Variants in ADGRF5 observed in about 807,000 individuals in gnomAD.
ADGRF5 encodes the protein adhesion G protein-coupled receptor F5, also known as G-protein coupled receptor 116.
Under a neutral mutation model 132.3 loss-of-function variants are expected in ADGRF5, and 75 were observed. That is an observed-to-expected ratio of 0.57 (90% CI 0.47 to 0.69). ADGRF5 has a LOEUF of 0.69. ADGRF5 is among the 30% of genes least tolerant of loss of function. The pLI is 0.00. For missense variants in ADGRF5, 1,516 were observed against 1,630.6 expected (o/e 0.93, Z 1.21); for synonymous variants, 629 against 597.6 (o/e 1.05, Z -0.77).
chr6:46,925,144 C>G (rs1287681698), upstream of ADGRF5, among the ~76,000 whole-genome samples: 1 of 152,202 alleles, frequency 6.6e-6, no homozygotes, highest in Admixed American at 6.5e-5. Context: ...ACCTTCTCTC[C>G]CCATCATTCA....
chr6:46,933,047 T>C (rs1283527877), intron 1 of ADGRF5, among the ~76,000 whole-genome samples: 3 of 152,094 alleles, frequency 2.0e-5, no homozygotes, highest in Non-Finnish European at 2.9e-5. Context: ...GCAGCAGTGA[T>C]GGGAATGGAA....
At chr6:46,888,546 G>A (rs1562195788) in intron 3 of ADGRF5, 41 bp from the exon 4 acceptor site, 2 of 1,380,842 alleles carry the variant, frequency 1.4e-6, no homozygotes, top group Non-Finnish European at 2.1e-6. Flanking sequence ...ACTTACCATG[G>A]GAGATGGAGT....
At chr6:46,882,424 G>A (rs988157519) in intron 6 of ADGRF5, among the ~76,000 whole-genome samples, 1 of 152,184 alleles carries the variant, frequency 6.6e-6, no homozygotes, top group Non-Finnish European at 1.5e-5. Flanking sequence ...AAGGAAGGTT[G>A]GCTAAAATCA....
chr6:46,915,964 G>T, intron 1 of ADGRF5, among the ~76,000 whole-genome samples: 1 of 151,972 alleles, frequency 6.6e-6, no homozygotes, highest in East Asian at 1.9e-4. Context: ...TCCCTTTCCT[G>T]GTTCTCAAGG....
intron 1 of ADGRF5, among the ~76,000 whole-genome samples, chr6:46,934,379 C>T (rs372844835): frequency 2.0e-4 from 31 of 152,072 alleles, no homozygotes; most frequent in African/African-American, 7.2e-4. Context: ...AGCAATAATC[C>T]TTATTTGCTT....
At position 46,896,710 on chromosome 6, in the gene ADGRF5, G is replaced by GATACATATATATATATATGTA. The variant is rs1774219441; in HGVS notation, c.157+3298_157+3318dup. Among the ~76,000 whole-genome samples, 17 of 151,180 alleles carry GATACATATATATATATATGTA rather than the reference G, an allele frequency of 1.1e-4. 1 individual carries two copies. The South Asian group carries it at 3.6e-3, about 32-fold the overall frequency. ...ATACATATGTGATACATATATATGT[G>GATACATATATATATATATGTA]ATACATATATATATATATGTAATAT... On this transcript the variant is annotated intron_variant, in intron 3 of 20. Coordinates refer to ENST00000283296, the MANE Select transcript of ADGRF5 (RefSeq NM_001098518.2).
intron 14 of ADGRF5, among the ~76,000 whole-genome samples, chr6:46,864,460 A>T (rs1170950489): frequency 6.6e-6 from 1 of 151,734 alleles, no homozygotes; most frequent in Non-Finnish European, 1.5e-5. Context: ...CACCTGGTAA[A>T]CTCCTTTAGC....
rs115047486 is a variant in ADGRF5 at position 46,895,346 on chromosome 6, G to A, written c.157+4683C>T. Among the ~76,000 whole-genome samples the A allele has an allele frequency of 6.8e-3, 1,032 of 152,004 alleles. 13 individuals are homozygous for A. The highest frequency in any genetic ancestry group is 0.024 in the African/African-American group (986 of 41,474). On this transcript the variant is annotated intron_variant, in intron 3 of 20. Transcript: ENST00000283296. ...TCCACACACCAGCCTGAAAGCACCAGGTCTTCTATCTCACTCCACCACCAT... is the reference window on the plus strand; with the variant it reads ...TCCACACACCAGCCTGAAAGCACCAAGTCTTCTATCTCACTCCACCACCAT...
intron 1 of ADGRF5, among the ~76,000 whole-genome samples, chr6:46,907,661 A>G (rs1387844326): frequency 1.3e-5 from 2 of 152,134 alleles, no homozygotes; most frequent in African/African-American, 2.4e-5. Flanking sequence ...AAGACAATCT[A>G]CTTTGTGCAC....
rs772737173 is a variant in ADGRF5, at chr6:46,906,699, C to A, written c.64G>T (p.Ala22Ser). The stretch of plus-strand genomic sequence containing the variant: ...GTAGACTCGTAATTCCAGTTCAGTG[C>A]AGCTTTGGAAGAATAAATCACAATA... The part of the protein sequence containing the change: ...MFIVIYSSKA[A>S]LNWNYESTIH... The change falls in exon 2 of 21, where the codon GCA becomes TCA. Residue 22 changes from alanine to serine, a missense_variant. Ala to Ser is a moderately conservative substitution (Grantham distance 99, BLOSUM62 1). This residue lies in a region of ADGRF5 where 945 missense variants were observed against 929.4 expected (regional missense o/e 1.02). Coordinates refer to ENST00000283296, the MANE Select transcript of ADGRF5 (RefSeq NM_001098518.2). 2 of 1,601,186 alleles carry A rather than the reference C, an allele frequency of 1.2e-6. No homozygotes were observed. The highest frequency in any genetic ancestry group is 1.1e-5 in the South Asian group (1 of 90,806).
chr6:46,879,711 G>T, intron 9 of ADGRF5, 107 bp downstream of exon 9: 1 of 780,358 alleles, frequency 1.3e-6, no homozygotes, highest in Non-Finnish European at 2.2e-6. Context: ...ACTTATTTTG[G>T]AAGAGAAAAA....
chr6:46,954,624 C>G (rs1162087802), intron 1 of ADGRF5: 1 of 152,208 alleles, frequency 6.6e-6, no homozygotes, highest in Admixed American at 6.5e-5. Flanking sequence ...ACAAGACACA[C>G]AGGTTGAGAG....
chr6:46,884,967 C>A (rs1772899002), intron 4 of ADGRF5, among the ~76,000 whole-genome samples: 1 of 152,112 alleles, frequency 6.6e-6, no homozygotes, highest in African/African-American at 2.4e-5. Flanking sequence ...CTTGGGAGGC[C>A]AAGGCAGTTG....
intron 3 of ADGRF5, among the ~76,000 whole-genome samples, chr6:46,894,110 A>T (rs1773936505): frequency 1.3e-5 from 2 of 152,162 alleles, no homozygotes; most frequent in South Asian, 4.1e-4. Context: ...CTCTTGACTA[A>T]AGAGGCCAAT....
chr6:46,867,200 G>A, intron 12 of ADGRF5, 63 bp from the exon 13 acceptor site: 1 of 994,018 alleles, frequency 1.0e-6, no homozygotes, highest in Non-Finnish European at 1.6e-6. Flanking sequence ...AGCATCTGCT[G>A]GGAAGGTTAA....
chr6:46,920,250 T>C (rs1308239689), intron 1 of ADGRF5, among the ~76,000 whole-genome samples: 2 of 152,206 alleles, frequency 1.3e-5, no homozygotes, highest in Non-Finnish European at 2.9e-5. Context: ...AGGTTGTTAC[T>C]AATATTATTA....
intron 11 of ADGRF5, chr6:46,869,457 G>T: frequency 1.2e-6 from 1 of 846,534 alleles, no homozygotes; most frequent in Non-Finnish European, 1.4e-6. Context: ...CCTTAAGGGA[G>T]AACAAATGGC....
At chr6:46,949,026 A>G (rs1446056666) in intron 1 of ADGRF5, among the ~76,000 whole-genome samples, 1 of 152,206 alleles carries the variant, frequency 6.6e-6, no homozygotes, top group Non-Finnish European at 1.5e-5. Context: ...CTAAAAATAA[A>G]TACCCTGGTC....
At chr6:46,909,799 ACT>A (rs1775754310) in intron 1 of ADGRF5, among the ~76,000 whole-genome samples, 2 of 151,734 alleles carry the variant, frequency 1.3e-5, no homozygotes, top group African/African-American at 4.8e-5. Context: ...ACAAACTGAG[ACT>A]CTGTATTATA....
Sources: allele counts gnomAD v4.1 joint callset (sites outside exome capture counted in the v4.1 genomes callset), GRCh38; gene constraint gnomAD v4.1.1; regional missense constraint gnomAD v4.1.1; transcripts MANE v1.5; gene names NCBI Gene and HGNC (gene_info 2026-07-23, HGNC 2026-07-21).